Variants in XYLT2 observed in about 807,000 individuals in gnomAD.
XYLT2 encodes the protein xylosyltransferase 2.
In XYLT2, 37 loss-of-function variants were observed where a neutral mutation model predicts 82.6. The observed-to-expected ratio is 0.45, with a 90% CI of 0.34 to 0.59. XYLT2 has a LOEUF of 0.59. Ranked by LOEUF, XYLT2 falls within the 20% of genes least tolerant of loss-of-function variation. XYLT2 has a pLI of 0.01. For missense variants in XYLT2, 934 were observed against 1,181.3 expected (o/e 0.79, Z 3.07); for synonymous variants, 474 against 499.0 (o/e 0.95, Z 0.67).
At position 50,357,201 on chromosome 17, in the gene XYLT2, G is replaced by A. The variant is rs766788411; in HGVS notation, c.1890G>A (p.Ser630=). The A allele has an allele frequency of 8.1e-6, 13 of 1,610,188 alleles. No homozygotes were observed. Among genetic ancestry groups the A allele is most frequent in the Non-Finnish European group, 1.1e-5 (13 of 1,179,558 alleles). ...AGATGTGGCTGATGCCCCAAGGGTCGCTGAAGCTGTTGGGGCGCAGTGACC... is the reference window on the plus strand; with the variant it reads ...AGATGTGGCTGATGCCCCAAGGGTCACTGAAGCTGTTGGGGCGCAGTGACC... ...TLEMWLMPQG[S]LKLLGRSDQA... The change falls in exon 9 of 11, where the codon TCG becomes TCA. Residue 630 remains serine, a synonymous_variant. Coordinates refer to ENST00000017003, the MANE Select transcript of XYLT2 (RefSeq NM_022167.4).
chr17:50,353,971 C>A lies in XYLT2; in HGVS notation c.477C>A (p.Thr159=), dbSNP rs1419634974. The A allele has an allele frequency of 1.2e-6, 2 of 1,606,514 alleles. No homozygotes were observed. The highest frequency in any genetic ancestry group is 1.7e-5 in the Admixed American group (1 of 60,022). ...GAPQPTDNGF[T]PKCEIVGKDA... ...CCCAGCCCACGGACAATGGCTTCAC[C>A]CCCAAGTGCGAGATCGTGGGCAAGG... Residue 159 remains threonine (T), a synonymous_variant, in exon 2 of 11, where the codon ACC becomes ACA. Transcript: ENST00000017003.
intron 3 of XYLT2, 75 bp downstream of exon 3, chr17:50,354,658 T>A: frequency 6.5e-7 from 1 of 1,534,738 alleles, no homozygotes; most frequent in Non-Finnish European, 8.7e-7. Context: ...AGACAGAGTC[T>A]CTGACCTGGC....
rs1020875355 is a variant in XYLT2, at chr17:50,357,742, A to AT, written c.1942-454dup. 952 of 156,184 alleles carry AT rather than the reference A, an allele frequency of 6.1e-3. 12 individuals carry two copies. Among genetic ancestry groups the AT allele is most frequent in the Admixed American group, 0.028 (431 of 15,460 alleles). The allele number at this position is 156,184 out of a possible 1,614,324, so 9.7% of individuals were successfully genotyped here. A position where few individuals can be genotyped will look rare whatever the true frequency, so the allele number is the denominator to read the frequency against. On this transcript the variant is annotated intron_variant, in intron 9 of 10. Transcript: ENST00000017003. ...AGGCGCGCGCCACCACGCCCAGCTA[A>AT]TTTTTTTTTTTGTATTTTTAATAGA...
intron 9 of XYLT2, chr17:50,357,592 C>CT (rs59572285): frequency 0.072 from 11,205 of 156,348 alleles, 1,003 homozygotes; most frequent in African/African-American, 0.2. Context: ...TCCTCATAGT[C>CT]TTTTTTTTTT....
intron 7 of XYLT2, 99 bp downstream of exon 7, chr17:50,356,360 A>G (rs2143227595): frequency 6.4e-7 from 1 of 1,554,872 alleles, no homozygotes; most frequent in Non-Finnish European, 8.7e-7. Flanking sequence ...CTGGGGGGCC[A>G]CGGCCTGCAG....
intron 1 of XYLT2, among the ~76,000 whole-genome samples, chr17:50,349,840 C>T (rs1383620502): frequency 1.3e-5 from 2 of 152,102 alleles, no homozygotes; most frequent in African/African-American, 4.8e-5. Context: ...CTCTTGACTT[C>T]ACGTTTGACT....
At position 50,356,934 on chromosome 17, in the gene XYLT2, TG is replaced by T. The variant is rs1471007701; in HGVS notation, c.1746-118del. The T allele has an allele frequency of 2.7e-6, 4 of 1,458,084 alleles. No homozygotes were observed. In the Admixed American group the frequency reaches 9.2e-5, roughly 34 times the overall value. The allele number at this position is 1,458,084 out of a possible 1,614,324, so 90.3% of individuals were successfully genotyped here. On this transcript the variant is annotated intron_variant, in intron 8 of 10. Coordinates refer to ENST00000017003, the MANE Select transcript of XYLT2 (RefSeq NM_022167.4). Reference sequence around the variant, plus strand: ...GCTAGAGCCAGGCATGCAGGTGCTGTGGGGGTGAGATCTGGGGAAAGGAAGT... The same window carrying T: ...GCTAGAGCCAGGCATGCAGGTGCTGTGGGGTGAGATCTGGGGAAAGGAAGT...
chr17:50,353,574 AG>A, intron 1 of XYLT2, 55 bp from the exon 2 acceptor site: 1 of 1,519,202 alleles, frequency 6.6e-7, no homozygotes, highest in South Asian at 1.3e-5. Flanking sequence ...ATGGAACTCA[AG>A]GAACAGGAGG....
chr17:50,353,755 C>T lies in XYLT2; in HGVS notation c.261C>T (p.Ser87=), dbSNP rs912574021. The T allele has an allele frequency of 1.2e-5, 19 of 1,558,006 alleles. No individual in the cohort carries two copies. In the African/African-American group the frequency reaches 2.4e-4, roughly 20 times the overall value. ...RHGRWRGRAE[S]PGVPVAKVVR... The stretch of plus-strand genomic sequence containing the variant: ...GGCGCTGGCGGGGCCGTGCTGAGAG[C>T]CCAGGAGTGCCCGTGGCCAAGGTGG... Residue 87 remains serine, a synonymous_variant, in exon 2 of 11, where the codon AGC becomes AGT. Coordinates refer to ENST00000017003, the MANE Select transcript of XYLT2 (RefSeq NM_022167.4).
Position 50,346,829 on chromosome 17 carries a change from C to T in XYLT2, c.135+554C>T, listed in dbSNP as rs1912063322. 1 of 985,236 alleles carries T rather than the reference C, an allele frequency of 1.0e-6. No homozygotes were observed. Among genetic ancestry groups the T allele is most frequent in the African/African-American group, 1.7e-5 (1 of 57,218 alleles). The allele number at this position is 985,236 out of a possible 1,614,324, so 61.0% of individuals were successfully genotyped here. On this transcript the variant is annotated intron_variant, in intron 1 of 10. Coordinates refer to ENST00000017003, the MANE Select transcript of XYLT2 (RefSeq NM_022167.4). The surrounding 1 kb of genome is among the most constrained non-coding windows in gnomAD (Gnocchi z 5.1). ...CGGGAACTGAAGGAACAGGGAGTGA[C>T]GCCGAAGGAGAGAACTGGAGTATTC... is the stretch of plus-strand genomic sequence containing the variant.
At position 50,360,357 on chromosome 17, in the gene XYLT2, C is replaced by T. The variant is rs1912750645; in HGVS notation, c.*66C>T. On this transcript the variant is annotated 3_prime_UTR_variant, in exon 11 of 11. Transcript: ENST00000017003. ...CACCTTACAGACAGTGGAGGGGTGT[C>T]CCCTCCCACAGGCAAGAACCAGAGG... is the stretch of plus-strand genomic sequence containing the variant. 6.8e-7 allele frequency: 1 copy of T among 1,464,878 alleles called. No homozygotes were observed. The highest frequency in any genetic ancestry group is 1.4e-5 in the African/African-American group (1 of 70,252). The allele number at this position is 1,464,878 out of a possible 1,614,324, so 90.7% of individuals were successfully genotyped here. A position where few individuals can be genotyped will look rare whatever the true frequency, so the allele number is the denominator to read the frequency against.
intron 4 of XYLT2, 131 bp from the exon 5 acceptor site, chr17:50,355,370 A>T (rs113653064): frequency 7.1e-6 from 7 of 981,402 alleles, no homozygotes; most frequent in Non-Finnish European, 1.1e-5. Flanking sequence ...TCACCACCCC[A>T]GACATCAGCC....
chr17:50,358,451 T>C lies in XYLT2; in HGVS notation c.2186T>C (p.Val729Ala). The change falls in exon 10 of 11, where the codon GTT becomes GCT. Residue 729 changes from valine (V) to alanine (A), a missense_variant. Coordinates refer to ENST00000017003, the MANE Select transcript of XYLT2 (RefSeq NM_022167.4). ...SRPLRPGPWT[V>A]RLLQFWEPLG... ...CCCCTGCGGCCAGGGCCCTGGACTG[T>C]TCGACTCCTTCAGTTCTGGGAACCG... 1 of 1,614,210 alleles carries C rather than the reference T, an allele frequency of 6.2e-7. No individual in the cohort carries two copies. The highest frequency in any genetic ancestry group is 2.2e-5 in the East Asian group (1 of 44,884).
chr17:50,356,817 G>A (rs760939272), intron 8 of XYLT2, 44 bp downstream of exon 8: 1 of 1,563,992 alleles, frequency 6.4e-7, no homozygotes, highest in Non-Finnish European at 8.6e-7. Context: ...GGGGTGTGGT[G>A]CCCTAGGGGG....
In XYLT2 at chr17:50,360,212, G is replaced by C; in HGVS notation, c.2519G>C (p.Arg840Thr). ...PSPCPSLEPCRLTSWSSLSPD... is the reference protein window; with the variant it reads ...PSPCPSLEPCTLTSWSSLSPD... ...CCCTGCCCCTCCCTGGAGCCCTGCA[G>C]ACTGACCAGCTGGAGCTCTCTGTCC... The change falls in exon 11 of 11, where the codon AGA (arginine) becomes ACA (threonine). Residue 840 changes from arginine to threonine, a missense_variant. Around this residue, in one of 3 missense-constraint regions of XYLT2, gnomAD observed 374 missense variants for 465.6 expected, o/e 0.80. Transcript: ENST00000017003. 6.2e-7 allele frequency: 1 copy of C among 1,614,088 alleles called. No homozygotes were observed. Among genetic ancestry groups the C allele is most frequent in the Middle Eastern group, 1.6e-4 (1 of 6,062 alleles).
chr17:50,356,884 GA>G, intron 8 of XYLT2, 111 bp downstream of exon 8: 1 of 1,502,662 alleles, frequency 6.7e-7, no homozygotes, highest in Non-Finnish European at 8.9e-7. Flanking sequence ...CTGAAGCAGG[GA>G]AAAATGCAAA....
In XYLT2 at chr17:50,360,258, G is replaced by C; in HGVS notation, c.2565G>C (p.Leu855=). The change falls in exon 11 of 11, where the codon CTG becomes CTC. Residue 855 remains leucine (L), a synonymous_variant. Coordinates refer to ENST00000017003, the MANE Select transcript of XYLT2 (RefSeq NM_022167.4). ...TGTCCCCCGACCCCAAATCAGAGCT[G>C]GGGCCTGTCAAAGCAGACGGGCGAC... ...SSLSPDPKSE[L]GPVKADGRLR 1.2e-6 allele frequency: 2 copies of C among 1,608,886 alleles called. No homozygotes were observed. Among genetic ancestry groups the C allele is most frequent in the African/African-American group, 2.7e-5 (2 of 74,934 alleles).
chr17:50,349,901 G>A (rs972127499), intron 1 of XYLT2, among the ~76,000 whole-genome samples: 49 of 151,996 alleles, frequency 3.2e-4, no homozygotes, highest in Non-Finnish European at 6.8e-4. Context: ...AGCAGCATTG[G>A]GCCAGGTATG....
chr17:50,360,824 G>A lies in XYLT2; in HGVS notation c.*533G>A. ...CCACAGGGCTGCAAGTGCCCTGCCA[G>A]GCTCTAAGGCCCGAAGAACAGGTGA... On this transcript the variant is annotated 3_prime_UTR_variant, in exon 11 of 11. Coordinates refer to ENST00000017003, the MANE Select transcript of XYLT2 (RefSeq NM_022167.4). 1.0e-6 allele frequency: 1 copy of A among 985,998 alleles called. No homozygotes were observed. The highest frequency in any genetic ancestry group is 1.2e-6 in the Non-Finnish European group (1 of 830,056). 61.1% of individuals were successfully genotyped at this position (985,998 alleles called of 1,614,324 possible). A position where few individuals can be genotyped will look rare whatever the true frequency, so the allele number is the denominator to read the frequency against.
Sources: gnomAD v4.1 joint callset for allele counts (sites outside exome capture counted in the v4.1 genomes callset) on GRCh38, gnomAD v4.1.1 for gene constraint, gnomAD v4.1.1 regional missense constraint, Gnocchi (gnomAD v3.1) non-coding constraint, MANE v1.5 for transcripts, NCBI Gene and HGNC (gene_info 2026-07-23, HGNC 2026-07-21) for gene names.